Variants in LRRK2 observed in about 807,000 individuals in gnomAD.
LRRK2 encodes leucine-rich repeat serine/threonine-protein kinase 2.
LRRK2 carries 203 observed loss-of-function variants against 302.6 expected under a neutral mutation model. The ratio of observed to expected loss-of-function variants is 0.67; its 90% CI spans 0.60 to 0.75. The LOEUF (loss-of-function observed/expected upper bound fraction) is 0.75. Ranked by LOEUF, LRRK2 falls within the 30% of genes least tolerant of loss-of-function variation. The probability of loss-of-function intolerance (pLI) is 0.00; values close to 1 mark genes in which losing one functional copy is unlikely to be tolerated. For missense variants in LRRK2, 2,830 were observed against 2,951.0 expected, an observed-to-expected ratio of 0.96 and a Z score of 0.95; for synonymous variants, 1,066 against 1,031.9, an observed-to-expected ratio of 1.03 and a Z score of -0.63.
chr12:40,234,604 A>G (rs1049131529), intron 3 of LRRK2, among the ~76,000 whole-genome samples: 1 of 151,710 alleles, frequency 6.6e-6, no homozygotes, highest in Non-Finnish European at 1.5e-5. Flanking sequence ...GTCTTGATCT[A>G]TTGACCTCAT....
At chr12:40,252,379 CTA>C (rs912327592) in intron 10 of LRRK2, among the ~76,000 whole-genome samples, 1 of 152,116 alleles carries the variant, frequency 6.6e-6, no homozygotes, top group African/African-American at 2.4e-5. Context: ...CTTTTGAAAA[CTA>C]TGCTAAATTG....
Position 40,364,914 on chromosome 12 carries a change from C to T in LRRK2, c.7254C>T (p.Cys2418=). 2 of 1,612,494 alleles carry T rather than the reference C, an allele frequency of 1.2e-6. No homozygotes were observed. The highest frequency in any genetic ancestry group is 1.3e-5 in the African/African-American group (1 of 74,912). Residue 2418 remains cysteine (C), a synonymous_variant, in exon 49 of 51, where the codon TGC becomes TGT. Transcript: ENST00000298910. ...ATTCTGGGAGAGTGAAAACCCTCTGCCTTCAGAAGAACACTGCTCTTTGGA... is the reference window on the plus strand; with the variant it reads ...ATTCTGGGAGAGTGAAAACCCTCTGTCTTCAGAAGAACACTGCTCTTTGGA... ...MSYSGRVKTL[C]LQKNTALWIG...
At chr12:40,354,165 AT>A in intron 44 of LRRK2, 133 bp from the exon 45 acceptor site, 2 of 719,572 alleles carry the variant, frequency 2.8e-6, no homozygotes, top group South Asian at 1.9e-5. Flanking sequence ...ATTAAATAAA[AT>A]TGGCATTGTT....
At chr12:40,277,796 A>G (rs1403131202) in intron 16 of LRRK2, 92 bp from the exon 17 acceptor site, 2 of 1,177,976 alleles carry the variant, frequency 1.7e-6, no homozygotes, top group East Asian at 5.1e-5. Context: ...CATCCTAGGT[A>G]TTGTTTCATA....
intron 2 of LRRK2, among the ~76,000 whole-genome samples, chr12:40,231,977 T>C (rs1313680196): frequency 6.6e-6 from 1 of 151,926 alleles, no homozygotes. Flanking sequence ...CTAATTTTTG[T>C]ATTTTTAGTA....
At chr12:40,289,689 A>T (rs1183655671) in intron 20 of LRRK2, among the ~76,000 whole-genome samples, 2 of 151,486 alleles carry the variant, frequency 1.3e-5, no homozygotes, top group African/African-American at 4.8e-5. Context: ...ATGTTTTCTG[A>T]TACTATTATA....
intron 34 of LRRK2, among the ~76,000 whole-genome samples, chr12:40,320,601 A>G (rs571302111): frequency 1.3e-5 from 2 of 152,154 alleles, no homozygotes; most frequent in South Asian, 4.1e-4. Flanking sequence ...AGCCTATACT[A>G]TGGAAATTTT....
At chr12:40,245,668 T>C (rs563838212) in intron 7 of LRRK2, among the ~76,000 whole-genome samples, 1 of 152,242 alleles carries the variant, frequency 6.6e-6, no homozygotes, top group East Asian at 1.9e-4. Flanking sequence ...TATAATTTCT[T>C]CTATACATGT....
intron 43 of LRRK2, 94 bp downstream of exon 43, chr12:40,348,603 A>C: frequency 1.2e-6 from 1 of 807,988 alleles, no homozygotes; most frequent in Admixed American, 2.2e-5. Context: ...TAAACACATA[A>C]ACACACAGAG....
intron 22 of LRRK2, 69 bp from the exon 23 acceptor site, chr12:40,295,358 C>T: frequency 6.8e-7 from 1 of 1,476,236 alleles, no homozygotes; most frequent in Non-Finnish European, 9.3e-7. Flanking sequence ...GAGGTGCTCA[C>T]TAAACTTTTA....
intron 39 of LRRK2, among the ~76,000 whole-genome samples, chr12:40,333,131 T>C (rs1016325050): frequency 6.6e-5 from 10 of 152,180 alleles, no homozygotes; most frequent in Admixed American, 4.6e-4. Flanking sequence ...TAGACCTCTG[T>C]CTGTGCCTAT....
At position 40,225,571 on chromosome 12, in the gene LRRK2, A is replaced by G. The variant is rs1251163181; in HGVS notation, c.168A>G (p.Gln56=). 6.2e-7 allele frequency: 1 copy of G among 1,614,132 alleles called. No individual in the cohort carries two copies. The highest frequency in any genetic ancestry group is 1.7e-5 in the Admixed American group (1 of 60,024). Residue 56 remains glutamine, a synonymous_variant, in exon 2 of 51, where the codon CAA becomes CAG. Coordinates refer to ENST00000298910, the MANE Select transcript of LRRK2 (RefSeq NM_198578.4). ...GTTTTCCAGCCTCCAAGTTATTTCAAGGCAAAAATATCCATGTGCCTCTGT... is the reference window on the plus strand; with the variant it reads ...GTTTTCCAGCCTCCAAGTTATTTCAGGGCAAAAATATCCATGTGCCTCTGT... ...TYSERASKLF[Q]GKNIHVPLLI... is the part of the protein sequence containing the mutation.
chr12:40,258,487 C>T (rs1942619124), intron 12 of LRRK2, among the ~76,000 whole-genome samples: 1 of 152,148 alleles, frequency 6.6e-6, no homozygotes, highest in Non-Finnish European at 1.5e-5. Flanking sequence ...AAACTCCAGT[C>T]TAGGATTCTG....
intron 14 of LRRK2, among the ~76,000 whole-genome samples, chr12:40,268,901 G>A (rs1269117083): frequency 1.3e-5 from 2 of 152,220 alleles, no homozygotes; most frequent in African/African-American, 4.8e-5. Flanking sequence ...TCAGTTACTT[G>A]TGTTGGAACA....
At chr12:40,267,650 G>A (rs888551093) in intron 14 of LRRK2, among the ~76,000 whole-genome samples, 28 of 152,222 alleles carry the variant, frequency 1.8e-4, no homozygotes, top group Non-Finnish European at 1.9e-4. Flanking sequence ...CAGTACTGAC[G>A]CACAGCCTTT....
At chr12:40,367,461 A>T in intron 50 of LRRK2, 183 bp from the exon 51 acceptor site, 1 of 469,628 alleles carries the variant, frequency 2.1e-6, no homozygotes, top group South Asian at 4.3e-5. Context: ...TAGTTTCTAT[A>T]ATGTATTATA....
At chr12:40,308,847 C>T in intron 29 of LRRK2, 151 bp downstream of exon 29, 1 of 891,790 alleles carries the variant, frequency 1.1e-6, no homozygotes, top group South Asian at 1.6e-5. Context: ...TTTACCCTTG[C>T]CTCCAGAATG....
chr12:40,237,243 G>C (rs1941508628), intron 4 of LRRK2, among the ~76,000 whole-genome samples: 1 of 152,124 alleles, frequency 6.6e-6, no homozygotes, highest in Non-Finnish European at 1.5e-5. Context: ...TTCATACTAA[G>C]GATCATGAGA....
At chr12:40,289,826 C>T (rs912045018) in intron 20 of LRRK2, among the ~76,000 whole-genome samples, 3 of 151,764 alleles carry the variant, frequency 2.0e-5, no homozygotes, top group African/African-American at 7.2e-5. Flanking sequence ...GTTCCAGTAC[C>T]TTATTATAGA....
Sources: allele counts gnomAD v4.1 joint callset (sites outside exome capture counted in the v4.1 genomes callset), GRCh38; gene constraint gnomAD v4.1.1; transcripts MANE v1.5; gene names NCBI Gene and HGNC (gene_info 2026-07-23, HGNC 2026-07-21).